Variants in PLXNC1 observed in about 807,000 individuals in gnomAD.
PLXNC1 encodes the protein plexin C1.
PLXNC1 carries 75 observed loss-of-function variants against 178.2 expected under a neutral mutation model. That is an observed-to-expected ratio of 0.42 (90% CI 0.35 to 0.51). The LOEUF (loss-of-function observed/expected upper bound fraction) is 0.51, where lower values mean the gene tolerates loss of function less well. Among genes scored for constraint, PLXNC1 ranks in the 20% least tolerant of loss-of-function variants. The probability of loss-of-function intolerance (pLI) is 0.02; values close to 1 mark genes in which losing one functional copy is unlikely to be tolerated. For missense variants in PLXNC1, 1,503 were observed against 1,984.4 expected, an observed-to-expected ratio of 0.76 and a Z score of 4.61; for synonymous variants, 790 against 779.9, an observed-to-expected ratio of 1.01 and a Z score of -0.22.
chr12:94,299,022 T>C (rs1204177768), intron 27 of PLXNC1, among the ~76,000 whole-genome samples: 1 of 152,230 alleles, frequency 6.6e-6, no homozygotes, highest in Non-Finnish European at 1.5e-5. Context: ...ACTGTTATCT[T>C]TGGTGCATGA....
chr12:94,300,208 A>T (rs1565874018), intron 27 of PLXNC1, among the ~76,000 whole-genome samples: 1 of 152,226 alleles, frequency 6.6e-6, no homozygotes, highest in South Asian at 2.1e-4. Flanking sequence ...ACAGTAGCAC[A>T]TTAGCAGATG....
chr12:94,155,751 C>G (rs1961144787), intron 1 of PLXNC1, among the ~76,000 whole-genome samples: 1 of 152,176 alleles, frequency 6.6e-6, no homozygotes, highest in Non-Finnish European at 1.5e-5. Flanking sequence ...GGGGGGATGT[C>G]TAGAGTCGTC....
chr12:94,266,156 A>G (rs1404286694), intron 21 of PLXNC1, among the ~76,000 whole-genome samples: 2 of 152,188 alleles, frequency 1.3e-5, no homozygotes, highest in African/African-American at 4.8e-5. Flanking sequence ...CTGCAGTGTC[A>G]TCTGGGAAGA....
intron 9 of PLXNC1, among the ~76,000 whole-genome samples, chr12:94,231,747 G>T (rs1163931718): frequency 1.3e-5 from 2 of 152,164 alleles, no homozygotes; most frequent in Non-Finnish European, 2.9e-5. Context: ...AAAGGCCAGT[G>T]TCTGACCGTC....
intron 9 of PLXNC1, among the ~76,000 whole-genome samples, chr12:94,236,402 A>G (rs1964241731): frequency 1.3e-5 from 2 of 152,172 alleles, no homozygotes; most frequent in Non-Finnish European, 2.9e-5. Flanking sequence ...CAGCAATGCC[A>G]CCCCAATGAG....
intron 15 of PLXNC1, among the ~76,000 whole-genome samples, chr12:94,251,957 C>T (rs1482820540): frequency 1.3e-5 from 2 of 152,212 alleles, no homozygotes; most frequent in Non-Finnish European, 2.9e-5. Context: ...CACACCACTG[C>T]ACTCCAGCCT....
Position 94,279,497 on chromosome 12 carries a change from T to G in PLXNC1, c.3623T>G (p.Ile1208Ser), listed in dbSNP as rs758019608. The change falls in exon 22 of 31, where the codon ATC becomes AGC. Residue 1208 changes from isoleucine (I) to serine (S), a missense_variant. Around this residue, in one of 4 missense-constraint regions of PLXNC1, gnomAD observed 639 missense variants for 979.7 expected, o/e 0.65. Transcript: ENST00000258526. ...GCATTAAACGTCGTCTTTGAAAAAA[T>G]CCCGGAAAACGAGAGTGCAGATGTC... is the stretch of plus-strand genomic sequence containing the variant. ...TVALNVVFEK[I>S]PENESADVCR... The G allele has an allele frequency of 1.3e-5, 21 of 1,613,506 alleles. No individual in the cohort carries two copies. The Middle Eastern group carries it at 2.1e-3, about 165-fold the overall frequency.
At position 94,251,688 on chromosome 12, in the gene PLXNC1, G is replaced by C. The variant is rs570224978; in HGVS notation, c.2881+160G>C. 3.5e-4 allele frequency among the ~76,000 whole-genome samples: 53 copies of C among 152,302 alleles called. 1 individual carries two copies. Among genetic ancestry groups the C allele is most frequent in the African/African-American group, 1.1e-3 (47 of 41,572 alleles). On this transcript the variant is annotated intron_variant, in intron 15 of 30. Transcript: ENST00000258526. ...AAACGAATAATAGGTACACGCTGAG[G>C]GCTTTCTAAACATTTCTTTTGGCCA...
At chr12:94,291,412 T>G (rs1370162231) in intron 23 of PLXNC1, among the ~76,000 whole-genome samples, 1 of 152,136 alleles carries the variant, frequency 6.6e-6, no homozygotes, top group Non-Finnish European at 1.5e-5. Flanking sequence ...TTGTTTGTTT[T>G]GAGGAGAGAT....
chr12:94,227,214 C>T lies in PLXNC1; in HGVS notation c.1959C>T (p.Asn653=), dbSNP rs762403329. 11 of 1,610,382 alleles carry T rather than the reference C, an allele frequency of 6.8e-6. No individual in the cohort carries two copies. The African/African-American group carries it at 1.2e-4, about 18-fold the overall frequency. ...GAAGACCCAAGGAGAACAAGGGGAA[C>T]AGAACCAACCAGGCTTTACAGGTCA... is the stretch of plus-strand genomic sequence containing the variant. ...GGGRPKENKG[N]RTNQALQVFY... is the part of the protein sequence containing the mutation. The change falls in exon 9 of 31, where the codon AAC becomes AAT. Residue 653 remains asparagine (N), a synonymous_variant. Coordinates refer to ENST00000258526, the MANE Select transcript of PLXNC1 (RefSeq NM_005761.3).
chr12:94,151,455 A>G (rs1041470761), intron 1 of PLXNC1, among the ~76,000 whole-genome samples: 2 of 152,202 alleles, frequency 1.3e-5, no homozygotes, highest in Non-Finnish European at 2.9e-5. Flanking sequence ...TTTTAAAAAT[A>G]TGTAAAAACA....
Position 94,300,660 on chromosome 12 carries a change from G to A in PLXNC1, c.4239-250G>A, listed in dbSNP as rs565235048. Among the ~76,000 whole-genome samples the A allele has an allele frequency of 2.6e-5, 4 of 152,250 alleles. No homozygotes were observed. The East Asian group carries it at 7.7e-4, about 29-fold the overall frequency. On this transcript the variant is annotated intron_variant, in intron 27 of 30. Coordinates refer to ENST00000258526, the MANE Select transcript of PLXNC1 (RefSeq NM_005761.3). The stretch of plus-strand genomic sequence containing the variant: ...GAGAGATTATAATCAAGAGCTATCT[G>A]GAGAAAATTCTTGCCCATGGCCACT...
intron 17 of PLXNC1, among the ~76,000 whole-genome samples, chr12:94,257,750 CA>C (rs1170197368): frequency 1.3e-5 from 2 of 149,600 alleles, no homozygotes; most frequent in Non-Finnish European, 3.0e-5. Flanking sequence ...ACTAAAAATA[CA>C]AAAAAATTAG....
At chr12:94,271,988 G>A (rs189786356) in intron 21 of PLXNC1, among the ~76,000 whole-genome samples, 1 of 152,232 alleles carries the variant, frequency 6.6e-6, no homozygotes, top group East Asian at 1.9e-4. Flanking sequence ...GTGGCAGACA[G>A]TATCCCATTG....
At chr12:94,237,380 T>C (rs914468590) in intron 9 of PLXNC1, among the ~76,000 whole-genome samples, 4 of 152,238 alleles carry the variant, frequency 2.6e-5, no homozygotes, top group Non-Finnish European at 5.9e-5. Flanking sequence ...ACTCTAGTGA[T>C]ACCTCACTCT....
chr12:94,224,216 C>A lies in PLXNC1; in HGVS notation c.1703-12C>A. 1.3e-6 allele frequency: 2 copies of A among 1,514,966 alleles called. No individual in the cohort carries two copies. The highest frequency in any genetic ancestry group is 1.8e-6 in the Non-Finnish European group (2 of 1,089,650). The allele number at this position is 1,514,966 out of a possible 1,614,324, so 93.8% of individuals were successfully genotyped here. On this transcript the variant is annotated splice_polypyrimidine_tract_variant and intron_variant, in intron 6 of 30. Coordinates refer to ENST00000258526, the MANE Select transcript of PLXNC1 (RefSeq NM_005761.3). ...CTCCACCGTAAATGACATTTTCCCC[C>A]CTTCCCTCCAGATGTTTCAGTTGTC...
intron 26 of PLXNC1, among the ~76,000 whole-genome samples, chr12:94,297,779 C>T (rs900685452): frequency 3.3e-5 from 5 of 152,140 alleles, no homozygotes; most frequent in Admixed American, 1.3e-4. Context: ...TTTTGAATTG[C>T]GAATAAAATG....
chr12:94,175,985 GAAAGAT>G (rs1367735532), intron 2 of PLXNC1, among the ~76,000 whole-genome samples: 5 of 152,326 alleles, frequency 3.3e-5, no homozygotes, highest in African/African-American at 9.6e-5. Context: ...TTGGAGACTT[GAAAGAT>G]AAAGGAGTAT....
At position 94,259,736 on chromosome 12, in the gene PLXNC1, T is replaced by TA. The variant is rs1964943761; in HGVS notation, c.3251+3dup. 1 of 1,598,334 alleles carries TA rather than the reference T, an allele frequency of 6.3e-7. No individual in the cohort carries two copies. The highest frequency in any genetic ancestry group is 8.5e-7 in the Non-Finnish European group (1 of 1,174,862). On this transcript the variant is annotated splice_region_variant and intron_variant, in intron 19 of 30. Coordinates refer to ENST00000258526, the MANE Select transcript of PLXNC1 (RefSeq NM_005761.3). ...GAAGAACTTTTCTGTGAAGGACAGG[T>TA]ATTAGTCCATTCTTTGATGTTTTAA...
Sources: allele counts gnomAD v4.1 joint callset (sites outside exome capture counted in the v4.1 genomes callset), GRCh38; gene constraint gnomAD v4.1.1; regional missense constraint gnomAD v4.1.1; transcripts MANE v1.5; gene names NCBI Gene and HGNC (gene_info 2026-07-23, HGNC 2026-07-21).